The following TMEFF1 variants were observed in gnomAD, a reference collection of about 807,000 sequenced individuals.
TMEFF1 encodes the protein transmembrane protein with EGF like and two follistatin like domains 1.
TMEFF1 carries 20 observed loss-of-function variants against 47.5 expected under a neutral mutation model. That is an observed-to-expected ratio of 0.42 (90% confidence interval 0.30 to 0.61). The LOEUF (loss-of-function observed/expected upper bound fraction) is 0.61, where lower values mean the gene tolerates loss of function less well. Among genes scored for constraint, TMEFF1 ranks in the 20% least tolerant of loss-of-function variants. TMEFF1 has a pLI of 0.19. For synonymous variants in TMEFF1, 162 were observed against 166.3 expected, an observed-to-expected ratio of 0.97 and a Z score of 0.20; for missense variants, 411 against 471.1, an observed-to-expected ratio of 0.87 and a Z score of 1.18.
intron 5 of TMEFF1, among the ~76,000 whole-genome samples, chr9:100,519,609 A>G (rs962936452): frequency 9.2e-6 from 1 of 108,146 alleles, no homozygotes; most frequent in Non-Finnish European, 1.9e-5. Context: ...AAGGAATGTT[A>G]TCTTCTTTTT....
At chr9:100,548,386 T>C (rs1838775298) in intron 6 of TMEFF1, among the ~76,000 whole-genome samples, 1 of 152,234 alleles carries the variant, frequency 6.6e-6, no homozygotes, top group Non-Finnish European at 1.5e-5. Context: ...GGAAAAATTA[T>C]TGCCTTTAGC....
intron 8 of TMEFF1, among the ~76,000 whole-genome samples, chr9:100,568,574 C>T (rs1273254776): frequency 2.0e-5 from 3 of 146,522 alleles, no homozygotes; most frequent in Non-Finnish European, 4.6e-5. Flanking sequence ...TGTCCTCCCT[C>T]CCTCCTTCCT....
chr9:100,559,488 T>C (rs1028919567), intron 7 of TMEFF1, among the ~76,000 whole-genome samples: 3 of 152,170 alleles, frequency 2.0e-5, no homozygotes, highest in African/African-American at 4.8e-5. Flanking sequence ...TTAGATCTTT[T>C]GTGGGTGTAA....
At chr9:100,501,389 A>G (rs62579394) in intron 2 of TMEFF1, among the ~76,000 whole-genome samples, 1,861 of 152,242 alleles carry the variant, frequency 0.012, 17 homozygotes, top group Non-Finnish European at 0.02. Context: ...TGATTACTAG[A>G]GAAATTGAAA....
chr9:100,527,379 G>T (rs1261031405), intron 5 of TMEFF1, among the ~76,000 whole-genome samples: 2 of 152,184 alleles, frequency 1.3e-5, no homozygotes, highest in Admixed American at 1.3e-4. Flanking sequence ...GTCAGTGGGT[G>T]CGCGCACAGT....
intron 1 of TMEFF1, among the ~76,000 whole-genome samples, chr9:100,491,419 C>T (rs1294206339): frequency 6.6e-6 from 1 of 152,176 alleles, no homozygotes; most frequent in Non-Finnish European, 1.5e-5. Context: ...AAAGTTTGAA[C>T]ATATTCTGTG....
chr9:100,550,884 A>G (rs753895715), intron 7 of TMEFF1, among the ~76,000 whole-genome samples: 4 of 152,216 alleles, frequency 2.6e-5, no homozygotes, highest in Non-Finnish European at 5.9e-5. Flanking sequence ...TCATGTAGTA[A>G]AGGTTGGAGC....
At chr9:100,552,531 C>T (rs185030722) in intron 7 of TMEFF1, among the ~76,000 whole-genome samples, 25 of 152,226 alleles carry the variant, frequency 1.6e-4, no homozygotes, top group African/African-American at 4.6e-4. Context: ...TCATCCAGGT[C>T]ACTTTGTTCA....
In TMEFF1 at chr9:100,536,013, T is replaced by C. The variant is rs758740279; in HGVS notation, c.561-11731T>C. Reference sequence around the variant, plus strand: ...TTAGATTTGATATTTAATATAGTAATTTGGAATTTGGAGGGTATTTTAACA... The same window carrying C: ...TTAGATTTGATATTTAATATAGTAACTTGGAATTTGGAGGGTATTTTAACA... On this transcript the variant is annotated intron_variant, in intron 5 of 9. Coordinates refer to ENST00000374879, the MANE Select transcript of TMEFF1 (RefSeq NM_003692.5). Among the ~76,000 whole-genome samples the C allele has an allele frequency of 1.1e-3, 168 of 152,308 alleles. 1 individual carries two copies. Among genetic ancestry groups the C allele is most frequent in the Non-Finnish European group, 8.4e-4 (57 of 68,026 alleles).
intron 5 of TMEFF1, among the ~76,000 whole-genome samples, chr9:100,530,498 A>C (rs1200878245): frequency 1.3e-5 from 2 of 152,242 alleles, no homozygotes; most frequent in African/African-American, 4.8e-5. Flanking sequence ...GAAATGGATA[A>C]ATTCCTCGAC....
chr9:100,486,496 G>A (rs1243950745), intron 1 of TMEFF1, among the ~76,000 whole-genome samples: 1 of 152,112 alleles, frequency 6.6e-6, no homozygotes, highest in African/African-American at 2.4e-5. Context: ...TCCGCCTCGG[G>A]CTCCCAACGT....
intron 8 of TMEFF1, among the ~76,000 whole-genome samples, chr9:100,562,149 C>T (rs1179282459): frequency 4.6e-5 from 7 of 152,122 alleles, no homozygotes; most frequent in Admixed American, 4.6e-4. Flanking sequence ...AGAAGCTCAT[C>T]ATCTGCTTGA....
At position 100,560,504 on chromosome 9, in the gene TMEFF1, A is replaced by G. The variant is rs569085489; in HGVS notation, c.776-893A>G. ...TATTGGTGCATATACCAAAAAAAGT[A>G]CAAAAATCCATTCCCAAATTTATTT... On this transcript the variant is annotated intron_variant, in intron 7 of 9. Transcript: ENST00000374879. 4.6e-5 allele frequency among the ~76,000 whole-genome samples: 7 copies of G among 152,260 alleles called. No homozygotes were observed. The East Asian group carries it at 9.7e-4, about 21-fold the overall frequency.
At chr9:100,498,496 A>T (rs191979030) in intron 1 of TMEFF1, among the ~76,000 whole-genome samples, 3 of 152,230 alleles carry the variant, frequency 2.0e-5, no homozygotes, top group Admixed American at 2.0e-4. Context: ...CCACAGATTT[A>T]CCTTTGGAAA....
intron 2 of TMEFF1, among the ~76,000 whole-genome samples, chr9:100,501,854 A>G (rs1465539293): frequency 1.3e-5 from 2 of 152,212 alleles, no homozygotes; most frequent in Admixed American, 6.5e-5. Flanking sequence ...CATGTTGGCC[A>G]GGATGGTCTC....
intron 7 of TMEFF1, among the ~76,000 whole-genome samples, chr9:100,552,975 G>T (rs747687097): frequency 6.6e-6 from 1 of 152,126 alleles, no homozygotes; most frequent in Non-Finnish European, 1.5e-5. Context: ...GTTGAAGAAA[G>T]TTCTGTTGGA....
chr9:100,556,689 A>C (rs532156846), intron 7 of TMEFF1, among the ~76,000 whole-genome samples: 2 of 152,332 alleles, frequency 1.3e-5, no homozygotes, highest in South Asian at 4.1e-4. Flanking sequence ...TTATCAAACC[A>C]GATGGCCTCC....
chr9:100,534,262 A>T lies in TMEFF1; in HGVS notation c.561-13482A>T, dbSNP rs148929948. Among the ~76,000 whole-genome samples, 274 of 152,326 alleles carry T rather than the reference A, an allele frequency of 1.8e-3. 1 individual carries two copies. The highest frequency in any genetic ancestry group is 0.01 in the Middle Eastern group (3 of 294). ...TTTATTTGGTATAACAGCTGTAATG[A>T]ATAGAGAAAACACTGGTCTCAGCCC... On this transcript the variant is annotated intron_variant, in intron 5 of 9. Coordinates refer to ENST00000374879, the MANE Select transcript of TMEFF1 (RefSeq NM_003692.5).
At chr9:100,513,704 T>C (rs921054297) in intron 4 of TMEFF1, among the ~76,000 whole-genome samples, 6 of 152,128 alleles carry the variant, frequency 3.9e-5, no homozygotes, top group South Asian at 2.1e-4. Flanking sequence ...TTCTGTTAAA[T>C]TGAGGTTGCA....
Sources: gnomAD v4.1 joint callset for allele counts (sites outside exome capture counted in the v4.1 genomes callset) on GRCh38, gnomAD v4.1.1 for gene constraint, MANE v1.5 for transcripts, NCBI Gene and HGNC (gene_info 2026-07-23, HGNC 2026-07-21) for gene names.